NLRP11: variants seen among roughly 807,000 people sequenced by gnomAD.
The protein encoded by NLRP11 is NACHT, LRR and PYD domains-containing protein 11.
Under a neutral mutation model 79.3 loss-of-function variants are expected in NLRP11, and 53 were observed. The observed-to-expected ratio is 0.67, with a 90% confidence interval of 0.54 to 0.84. The LOEUF (loss-of-function observed/expected upper bound fraction) is 0.84. Among genes scored for constraint, NLRP11 ranks in the 40% least tolerant of loss-of-function variants. NLRP11 has a pLI of 0.00. For missense variants in NLRP11, 1,264 were observed against 1,255.0 expected (o/e 1.01, Z -0.11); for synonymous variants, 518 against 462.6 (o/e 1.12, Z -1.54).
At chr19:55,796,366 A>G (rs1421648289) in intron 5 of NLRP11, 116 bp from the exon 6 acceptor site, 4 of 801,602 alleles carry the variant, frequency 5.0e-6, no homozygotes, top group African/African-American at 1.7e-5. Context: ...CTACTTGGAA[A>G]TAAATAGATC....
At position 55,813,099 on chromosome 19, in the gene NLRP11, G is replaced by A. The variant is rs182431006; in HGVS notation, c.272-2761C>T. 4.7e-3 allele frequency among the ~76,000 whole-genome samples: 710 copies of A among 152,150 alleles called. 1 individual carries two copies. The highest frequency in any genetic ancestry group is 7.6e-3 in the Non-Finnish European group (515 of 67,998). On this transcript the variant is annotated intron_variant, in intron 2 of 9. Coordinates refer to ENST00000589093, the Ensembl canonical transcript of NLRP11. ...TCACAGCACTTTGGGAGGCGAAGGC[G>A]GGCAGATCACCTGAGGTCAGGAGTT... is the stretch of plus-strand genomic sequence containing the variant.
At chr19:55,806,599 T>C (rs1980015853) in intron 4 of NLRP11, among the ~76,000 whole-genome samples, 1 of 152,198 alleles carries the variant, frequency 6.6e-6, no homozygotes, top group Non-Finnish European at 1.5e-5. Context: ...AGCTTTCAGA[T>C]TCTGCCCTAT....
chr19:55,803,417 T>C (rs1393483594), intron 4 of NLRP11, among the ~76,000 whole-genome samples: 1 of 152,096 alleles, frequency 6.6e-6, no homozygotes, highest in African/African-American at 2.4e-5. Context: ...GATTTCATCA[T>C]GAAGATACCA....
At chr19:55,836,562 G>C (rs1057498501), upstream of NLRP11, 1 of 152,340 alleles carries the variant, frequency 6.6e-6, no homozygotes, top group Non-Finnish European at 1.5e-5. Flanking sequence ...GGCGTGGAGC[G>C]GTGAGTCAGC....
chr19:55,816,529 T>C (rs563900871), intron 2 of NLRP11, among the ~76,000 whole-genome samples: 9 of 152,302 alleles, frequency 5.9e-5, no homozygotes, highest in African/African-American at 7.2e-5. Flanking sequence ...TTTTATCTAT[T>C]TTAGAGATGT....
chr19:55,834,078 A>G (rs947639244), upstream of NLRP11, among the ~76,000 whole-genome samples: 1 of 152,198 alleles, frequency 6.6e-6, no homozygotes, highest in Non-Finnish European at 1.5e-5. Flanking sequence ...CATGAGTTGG[A>G]GTAGGGAATG....
intron 6 of NLRP11, among the ~76,000 whole-genome samples, chr19:55,793,587 A>AC (rs1978503067): frequency 6.6e-5 from 9 of 135,946 alleles, no homozygotes; most frequent in Non-Finnish European, 9.5e-5. Context: ...AAAAAAAAAA[A>AC]GTTGAAAACA....
chr19:55,810,906 T>C (rs563736102), intron 2 of NLRP11, among the ~76,000 whole-genome samples: 3 of 152,356 alleles, frequency 2.0e-5, no homozygotes, highest in South Asian at 2.1e-4. Flanking sequence ...TTCCCTCTCA[T>C]GTCTTGGCAT....
chr19:55,824,699 CAAG>C (rs1982130547), intron 1 of NLRP11, among the ~76,000 whole-genome samples: 1 of 106,296 alleles, frequency 9.4e-6, no homozygotes, highest in African/African-American at 7.0e-5. Flanking sequence ...ATCAATTCAA[CAAG>C]AAGAGCTAAC....
At chr19:55,785,924 T>G (rs1989853115) in intron 9 of NLRP11, 53 bp from the exon 10 acceptor site, 1 of 1,563,364 alleles carries the variant, frequency 6.4e-7, no homozygotes, top group East Asian at 2.2e-5. Context: ...AGGTCTCAGC[T>G]TTGTTGCATC....
chr19:55,831,749 T>C (rs1172528931), intron 1 of NLRP11, among the ~76,000 whole-genome samples: 1 of 113,944 alleles, frequency 8.8e-6, no homozygotes, highest in African/African-American at 4.8e-5. Flanking sequence ...CTTAAATAAG[T>C]TTATCAAAAA....
At chr19:55,788,233 T>C (rs115811837) in intron 9 of NLRP11, among the ~76,000 whole-genome samples, 2,640 of 152,190 alleles carry the variant, frequency 0.017, 84 homozygotes, top group African/African-American at 0.061. Context: ...GGAAAGAAAA[T>C]AGAAAATATT....
At position 55,823,114 on chromosome 19, in the gene NLRP11, C is replaced by T. The variant is rs1270587384; in HGVS notation, c.-62-4878G>A. On this transcript the variant is annotated intron_variant, in intron 1 of 9. Transcript: ENST00000589093. ...AAGTGGGTCCCTGACCCCTGACCCCCAAGCAGCCTAACTGGGAGGCACCCC... is the reference window on the plus strand; with the variant it reads ...AAGTGGGTCCCTGACCCCTGACCCCTAAGCAGCCTAACTGGGAGGCACCCC... 1.4e-4 allele frequency among the ~76,000 whole-genome samples: 21 copies of T among 147,094 alleles called. 1 individual carries two copies. Among genetic ancestry groups the T allele is most frequent in the Admixed American group, 4.7e-4 (7 of 14,804 alleles).
intron 5 of NLRP11, among the ~76,000 whole-genome samples, chr19:55,798,787 C>T (rs1216973430): frequency 6.6e-6 from 1 of 151,902 alleles, no homozygotes; most frequent in African/African-American, 2.4e-5. Context: ...CAAAACAATC[C>T]AAACTAGATG....
At chr19:55,822,588 T>C (rs942258035) in intron 1 of NLRP11, among the ~76,000 whole-genome samples, 1 of 152,044 alleles carries the variant, frequency 6.6e-6, no homozygotes, top group Non-Finnish European at 1.5e-5. Flanking sequence ...GGGCGAGGCA[T>C]TGCCTCACCT....
intron 1 of NLRP11, among the ~76,000 whole-genome samples, chr19:55,829,873 A>G (rs1461285037): frequency 6.6e-6 from 1 of 152,144 alleles, no homozygotes; most frequent in Non-Finnish European, 1.5e-5. Flanking sequence ...TTGACTTCCA[A>G]CACTCATAGC....
At chr19:55,833,645 G>A (rs943193398), upstream of NLRP11, among the ~76,000 whole-genome samples, 6 of 151,412 alleles carry the variant, frequency 4.0e-5, no homozygotes, top group African/African-American at 1.2e-4. Context: ...GCGGGCGCCT[G>A]TAGTCCCAGC....
intron 4 of NLRP11, among the ~76,000 whole-genome samples, chr19:55,806,947 G>T (rs1980054489): frequency 6.6e-6 from 1 of 151,884 alleles, no homozygotes; most frequent in Non-Finnish European, 1.5e-5. Context: ...TTTCTCTGTG[G>T]AACTTATTAC....
intron 1 of NLRP11, among the ~76,000 whole-genome samples, chr19:55,830,927 T>A (rs565683670): frequency 1.4e-4 from 22 of 152,260 alleles, no homozygotes; most frequent in Non-Finnish European, 3.1e-4. Context: ...CACAGGGGAA[T>A]CACCTGGGGA....
Sources: allele counts gnomAD v4.1 joint callset (sites outside exome capture counted in the v4.1 genomes callset), GRCh38; gene constraint gnomAD v4.1.1; transcripts MANE v1.5; gene names NCBI Gene and HGNC (gene_info 2026-07-23, HGNC 2026-07-21).